Variants in TOX2 observed in about 807,000 individuals in gnomAD.
The protein encoded by TOX2 is granulosa cell HMG box 1.
Under a neutral mutation model 47.4 loss-of-function variants are expected in TOX2, and 15 were observed. The ratio of observed to expected loss-of-function variants is 0.32; its 90% CI spans 0.21 to 0.49. The LOEUF (loss-of-function observed/expected upper bound fraction) is 0.49. TOX2 is among the 20% of genes least tolerant of loss of function. The pLI is 0.99. For missense variants in TOX2, 622 were observed against 673.1 expected (o/e 0.92, Z 0.84); for synonymous variants, 290 against 296.6 (o/e 0.98, Z 0.23).
chr20:44,029,608 C>G (rs529998417), intron 3 of TOX2, among the ~76,000 whole-genome samples: 61 of 152,200 alleles, frequency 4.0e-4, no homozygotes, highest in Non-Finnish European at 6.2e-4. Context: ...GAGTGGCAAA[C>G]CCATGTTCCA....
chr20:44,032,774 G>T (rs368335017), intron 3 of TOX2, among the ~76,000 whole-genome samples: 3 of 152,202 alleles, frequency 2.0e-5, no homozygotes, highest in East Asian at 1.9e-4. Flanking sequence ...CCCAGACCCA[G>T]GGGCTTGGTG....
At chr20:43,998,578 TA>T (rs1218733705) in intron 2 of TOX2, among the ~76,000 whole-genome samples, 1 of 152,244 alleles carries the variant, frequency 6.6e-6, no homozygotes, top group Non-Finnish European at 1.5e-5. Flanking sequence ...TCAATTTACA[TA>T]AAAATTTGTC....
intron 3 of TOX2, among the ~76,000 whole-genome samples, chr20:44,010,841 C>T (rs1348071518): frequency 2.0e-5 from 3 of 152,146 alleles, no homozygotes; most frequent in African/African-American, 4.8e-5. Context: ...TTGCCACCAA[C>T]TTGGGGGCTT....
chr20:43,923,726 A>G (rs2069135801), intron 1 of TOX2, among the ~76,000 whole-genome samples: 2 of 152,156 alleles, frequency 1.3e-5, no homozygotes, highest in African/African-American at 4.8e-5. Flanking sequence ...AAAGTCTCAC[A>G]TTGGGTTGCC....
At chr20:43,943,768 G>C (rs565815782) in intron 1 of TOX2, among the ~76,000 whole-genome samples, 1 of 152,302 alleles carries the variant, frequency 6.6e-6, no homozygotes, top group Admixed American at 6.5e-5. Context: ...TGATGAACAA[G>C]TTTAACATTC....
chr20:43,981,940 T>C lies in TOX2; in HGVS notation c.165+8508T>C, dbSNP rs566356900. 1.3e-4 allele frequency among the ~76,000 whole-genome samples: 20 copies of C among 152,106 alleles called. No individual in the cohort carries two copies. In the South Asian group the frequency reaches 3.3e-3, roughly 25 times the overall value. ...GATTCCATAGAAGGGATTTTCTTTT[T>C]TTTTTTTTTTTAAAGAAAAGTCTTT... On this transcript the variant is annotated intron_variant, in intron 2 of 8. Coordinates refer to ENST00000341197, the MANE Select transcript of TOX2 (RefSeq NM_001098797.2).
intron 3 of TOX2, among the ~76,000 whole-genome samples, chr20:44,009,913 G>A (rs2070751484): frequency 6.6e-6 from 1 of 152,202 alleles, no homozygotes; most frequent in South Asian, 2.1e-4. Flanking sequence ...ACAGTGTGGG[G>A]TGGTGGTTGG....
In TOX2 at chr20:44,069,009, C is replaced by T; in HGVS notation, c.*323C>T. 1 of 484,678 alleles carries T rather than the reference C, an allele frequency of 2.1e-6. No individual in the cohort carries two copies. The highest frequency in any genetic ancestry group is 1.8e-5 in the South Asian group (1 of 55,888). 30.0% of individuals were successfully genotyped at this position (484,678 alleles called of 1,614,324 possible). ...CCCGGCCCCAGCTCCAGCCCCAGCC[C>T]AGGTGGGCCGCCCCTGGCGGGGTCG... On this transcript the variant is annotated 3_prime_UTR_variant, in exon 9 of 9. Coordinates refer to ENST00000341197, the MANE Select transcript of TOX2 (RefSeq NM_001098797.2).
chr20:44,069,073 G>A lies in TOX2; in HGVS notation c.*387G>A, dbSNP rs977688625. Reference sequence around the variant, plus strand: ...ACCCACCCCAGATGCATGGGCCAGAGGGCCGGCCCCCGGCATAGATGTGCA... The same window carrying A: ...ACCCACCCCAGATGCATGGGCCAGAAGGCCGGCCCCCGGCATAGATGTGCA... On this transcript the variant is annotated 3_prime_UTR_variant, in exon 9 of 9. Transcript: ENST00000341197. The A allele has an allele frequency of 2.6e-5, 10 of 389,428 alleles. 1 individual carries two copies. Among genetic ancestry groups the A allele is most frequent in the Middle Eastern group, 8.1e-4 (1 of 1,238 alleles). 24.1% of individuals were successfully genotyped at this position (389,428 alleles called of 1,614,324 possible). A position where few individuals can be genotyped will look rare whatever the true frequency, so the allele number is the denominator to read the frequency against.
intron 3 of TOX2, among the ~76,000 whole-genome samples, chr20:44,023,585 A>T (rs1193963692): frequency 6.6e-6 from 1 of 152,224 alleles, no homozygotes; most frequent in African/African-American, 2.4e-5. Context: ...TGCCCATCAG[A>T]AGAGCTGCAC....
At chr20:43,953,628 GC>G (rs2069618515) in intron 1 of TOX2, among the ~76,000 whole-genome samples, 1 of 152,206 alleles carries the variant, frequency 6.6e-6, no homozygotes, top group Admixed American at 6.5e-5. Context: ...GCCCTGGCAT[GC>G]CCCAGGAGTG....
chr20:44,008,624 T>A (rs982579799), intron 3 of TOX2, among the ~76,000 whole-genome samples: 2 of 152,100 alleles, frequency 1.3e-5, no homozygotes, highest in Admixed American at 1.3e-4. Flanking sequence ...GGTAGAACAG[T>A]AGAGCATTTT....
Position 44,054,533 on chromosome 20 carries a change from C to A in TOX2, c.879+7C>A. On this transcript the variant is annotated splice_region_variant and intron_variant, in intron 5 of 8. Coordinates refer to ENST00000341197, the MANE Select transcript of TOX2 (RefSeq NM_001098797.2). ...GGGAGAGGAACAGAAGCAGGTGAGCCTCCCTCTCTTTCTGGGCCATCCCCT... is the reference window on the plus strand; with the variant it reads ...GGGAGAGGAACAGAAGCAGGTGAGCATCCCTCTCTTTCTGGGCCATCCCCT... 6.2e-7 allele frequency: 1 copy of A among 1,612,374 alleles called. No homozygotes were observed. Among genetic ancestry groups the A allele is most frequent in the Non-Finnish European group, 8.5e-7 (1 of 1,179,062 alleles).
chr20:44,020,201 G>A (rs1433500238), intron 3 of TOX2, among the ~76,000 whole-genome samples: 1 of 152,216 alleles, frequency 6.6e-6, no homozygotes, highest in African/African-American at 2.4e-5. Context: ...GCGTGGATTA[G>A]GCCACGGAGT....
chr20:43,944,555 C>T (rs1000356667), intron 1 of TOX2, among the ~76,000 whole-genome samples: 1 of 151,636 alleles, frequency 6.6e-6, no homozygotes, highest in African/African-American at 2.4e-5. Flanking sequence ...CCCTTCCAGC[C>T]TCTCCCTCCT....
intron 2 of TOX2, among the ~76,000 whole-genome samples, chr20:43,985,123 C>G (rs1420476387): frequency 2.0e-5 from 3 of 152,216 alleles, no homozygotes; most frequent in African/African-American, 4.8e-5. Context: ...CCGGCCCCTC[C>G]TCAGCCTCTC....
intron 4 of TOX2, among the ~76,000 whole-genome samples, 185 bp from the exon 5 acceptor site, chr20:44,054,114 T>A (rs1291648813): frequency 6.6e-6 from 1 of 152,184 alleles, no homozygotes; most frequent in East Asian, 1.9e-4. Flanking sequence ...CTGATTCTCT[T>A]TAATGAGTTA....
At chr20:43,984,001 G>A (rs2145516015) in intron 2 of TOX2, among the ~76,000 whole-genome samples, 1 of 152,344 alleles carries the variant, frequency 6.6e-6, no homozygotes, top group East Asian at 1.9e-4. Flanking sequence ...TGTGTACACT[G>A]TAAAGGGCAA....
chr20:43,942,034 G>T (rs2145352142), intron 1 of TOX2, among the ~76,000 whole-genome samples: 1 of 152,304 alleles, frequency 6.6e-6, no homozygotes, highest in Middle Eastern at 3.4e-3. Context: ...GATGGAAGTT[G>T]ACTCCTTGCT....
Sources: allele counts gnomAD v4.1 joint callset (sites outside exome capture counted in the v4.1 genomes callset), GRCh38; gene constraint gnomAD v4.1.1; transcripts MANE v1.5; gene names NCBI Gene and HGNC (gene_info 2026-07-23, HGNC 2026-07-21).